Variants in VRK2 observed in about 807,000 individuals in gnomAD.
VRK2 encodes VRK serine/threonine kinase 2, also known as serine/threonine-protein kinase VRK2.
VRK2 carries 60 observed loss-of-function variants against 57.6 expected under a neutral mutation model. The observed-to-expected ratio is 1.04, with a 90% CI of 0.85 to 1.29. VRK2 has a LOEUF of 1.29. Among genes scored for constraint, VRK2 ranks in the 50% most tolerant of loss-of-function variants. The pLI, the probability that VRK2 is intolerant of heterozygous loss-of-function variation, is 0.00. For missense variants in VRK2, 705 were observed against 588.1 expected (o/e 1.20, Z -2.06); for synonymous variants, 231 against 199.2 (o/e 1.16, Z -1.35).
At chr2:57,942,676 C>T (rs530731784) in intron 1 of VRK2, among the ~76,000 whole-genome samples, 1 of 152,168 alleles carries the variant, frequency 6.6e-6, no homozygotes, top group South Asian at 2.1e-4. Context: ...GGGCCATGTT[C>T]GATGATACAA....
intron 1 of VRK2, among the ~76,000 whole-genome samples, chr2:57,954,879 A>T (rs556748145): frequency 2.0e-4 from 31 of 152,338 alleles, no homozygotes; most frequent in African/African-American, 7.5e-4. Context: ...ATAGAAAGAT[A>T]GAATCTCACA....
chr2:58,062,989 G>A (rs1010923551), intron 2 of VRK2, among the ~76,000 whole-genome samples: 1 of 152,024 alleles, frequency 6.6e-6, no homozygotes, highest in Non-Finnish European at 1.5e-5. Context: ...AAGCTTCTAA[G>A]GACAGGATGC....
chr2:58,051,703 A>G (rs1675774966), intron 2 of VRK2, among the ~76,000 whole-genome samples: 1 of 152,194 alleles, frequency 6.6e-6, no homozygotes, highest in South Asian at 2.1e-4. Context: ...TACATGTACA[A>G]CTGTCCTCTA....
rs1381450910 is a variant in VRK2 at position 58,137,193 on chromosome 2, C to CAT, written c.856+2001_856+2002dup. ...TATATCATATATATCATATATGATA[C>CAT]ATATATATCTCATATATGATACATA... On this transcript the variant is annotated intron_variant, in intron 10 of 12. Coordinates refer to ENST00000340157, the MANE Select transcript of VRK2 (RefSeq NM_006296.7). Among the ~76,000 whole-genome samples, 3 of 45,358 alleles carry CAT rather than the reference C, an allele frequency of 6.6e-5. No homozygotes were observed. In the African/African-American group the frequency reaches 8.6e-4, roughly 13 times the overall value. 29.8% of individuals were successfully genotyped at this position (45,358 alleles called of 152,430 possible).
At chr2:57,972,802 C>T (rs185187272) in intron 1 of VRK2, among the ~76,000 whole-genome samples, 1 of 151,784 alleles carries the variant, frequency 6.6e-6, no homozygotes, top group Non-Finnish European at 1.5e-5. Context: ...CTACAACATG[C>T]TTTTCCTTTT....
At chr2:57,996,747 AG>A (rs1672936359) in intron 1 of VRK2, among the ~76,000 whole-genome samples, 1 of 152,080 alleles carries the variant, frequency 6.6e-6, no homozygotes, top group Non-Finnish European at 1.5e-5. Flanking sequence ...AAAGATTCTA[AG>A]ATGTATAAGT....
At chr2:57,923,575 A>G (rs1372404710) in intron 1 of VRK2, among the ~76,000 whole-genome samples, 1 of 151,106 alleles carries the variant, frequency 6.6e-6, no homozygotes, top group Non-Finnish European at 1.5e-5. Flanking sequence ...TTTAAATCAG[A>G]TTATTAGATT....
At position 58,017,654 on chromosome 2, in the gene VRK2, G is replaced by T. The variant is rs562575681; in HGVS notation, c.-438-8011G>T. On this transcript the variant is annotated intron_variant, in intron 1 of 15. Coordinates refer to the VRK2 transcript ENST00000417641. ...TATGTGCTCACATTACTATCCTAAA[G>T]TGGAAAGCTCCTATTTTTCTTTTTT... Among the ~76,000 whole-genome samples, 7 of 152,146 alleles carry T rather than the reference G, an allele frequency of 4.6e-5. No homozygotes were observed. In the East Asian group the frequency reaches 1.4e-3, roughly 29 times the overall value.
At chr2:58,122,253 T>G (rs1038861666) in intron 7 of VRK2, among the ~76,000 whole-genome samples, 2 of 152,196 alleles carry the variant, frequency 1.3e-5, no homozygotes, top group Non-Finnish European at 2.9e-5. Context: ...GGTTTACAGT[T>G]GACCTATGAC....
At chr2:58,073,634 GA>G (rs1669649855) in intron 2 of VRK2, among the ~76,000 whole-genome samples, 1 of 121,120 alleles carries the variant, frequency 8.3e-6, no homozygotes, top group African/African-American at 3.5e-5. Context: ...GAACTAATAG[GA>G]TTATATATAT....
At chr2:57,940,511 C>T (rs1293732311) in intron 1 of VRK2, among the ~76,000 whole-genome samples, 1 of 152,142 alleles carries the variant, frequency 6.6e-6, no homozygotes, top group Admixed American at 6.5e-5. Flanking sequence ...AATCTGGGCA[C>T]TGCATGGCCC....
At chr2:58,146,517 C>A (rs1335825245) in intron 12 of VRK2, 43 bp downstream of exon 12, 1 of 1,576,648 alleles carries the variant, frequency 6.3e-7, no homozygotes, top group Non-Finnish European at 8.6e-7. Flanking sequence ...CTTAATGTTA[C>A]ATTAGAATAT....
At chr2:57,992,757 C>G (rs1297614934) in intron 1 of VRK2, among the ~76,000 whole-genome samples, 2 of 151,914 alleles carry the variant, frequency 1.3e-5, no homozygotes, top group East Asian at 3.9e-4. Flanking sequence ...AGGATGGTCT[C>G]GATCTCCTGA....
intron 1 of VRK2, among the ~76,000 whole-genome samples, chr2:57,964,787 G>GA (rs1671863130): frequency 1.4e-5 from 2 of 148,028 alleles, no homozygotes; most frequent in African/African-American, 5.0e-5. Context: ...TTGAGAGGCT[G>GA]AGGCAGAAGG....
At chr2:58,096,870 T>C (rs1673219098) in intron 7 of VRK2, among the ~76,000 whole-genome samples, 1 of 151,984 alleles carries the variant, frequency 6.6e-6, no homozygotes, top group Non-Finnish European at 1.5e-5. Flanking sequence ...GATTTTGATA[T>C]GTAATGTTTT....
intron 1 of VRK2, among the ~76,000 whole-genome samples, chr2:57,975,958 C>A (rs1672239726): frequency 6.6e-6 from 1 of 151,886 alleles, no homozygotes; most frequent in African/African-American, 2.4e-5. Flanking sequence ...CTGTTGTTCC[C>A]GTTTGTGTCC....
intron 1 of VRK2, among the ~76,000 whole-genome samples, chr2:57,991,961 A>G (rs546300715): frequency 6.6e-6 from 1 of 152,014 alleles, no homozygotes; most frequent in South Asian, 2.1e-4. Flanking sequence ...CAACTCAAAA[A>G]AAAAAAAAAA....
chr2:57,973,853 GA>G (rs994007712), intron 1 of VRK2, among the ~76,000 whole-genome samples: 4 of 150,780 alleles, frequency 2.7e-5, no homozygotes, highest in African/African-American at 7.3e-5. Context: ...ATCTAGTGGA[GA>G]AAAAAAAATT....
At position 58,128,726 on chromosome 2, in the gene VRK2, CA is replaced by C. The variant is rs369671201; in HGVS notation, c.677-3079del. 2.9e-3 allele frequency among the ~76,000 whole-genome samples: 434 copies of C among 152,232 alleles called. 1 individual carries two copies. The highest frequency in any genetic ancestry group is 0.01 in the African/African-American group (419 of 41,538). On this transcript the variant is annotated intron_variant, in intron 8 of 12. Coordinates refer to ENST00000340157, the MANE Select transcript of VRK2 (RefSeq NM_006296.7). ...TTAATTTTTGCTCTGTGATATTGACCAAATTATTTAACCTCTCTGAGACTCC... is the reference window on the plus strand; with the variant it reads ...TTAATTTTTGCTCTGTGATATTGACCAATTATTTAACCTCTCTGAGACTCC...
Sources: allele counts gnomAD v4.1 joint callset (sites outside exome capture counted in the v4.1 genomes callset), GRCh38; gene constraint gnomAD v4.1.1; transcripts MANE v1.5; gene names NCBI Gene and HGNC (gene_info 2026-07-23, HGNC 2026-07-21).